The following PRKG1 variants were observed in gnomAD, a reference collection of about 807,000 sequenced individuals.
PRKG1 encodes the protein cGMP-dependent protein kinase 1.
PRKG1 carries 35 observed loss-of-function variants against 88.1 expected under a neutral mutation model. The ratio of observed to expected loss-of-function variants is 0.40; its 90% CI spans 0.30 to 0.53. The LOEUF (loss-of-function observed/expected upper bound fraction) is 0.53, where lower values mean the gene tolerates loss of function less well. PRKG1 is among the 20% of genes least tolerant of loss of function. The pLI is 0.59. For synonymous variants in PRKG1, 303 were observed against 292.5 expected, an observed-to-expected ratio of 1.04 and a Z score of -0.37; for missense variants, 540 against 839.8, an observed-to-expected ratio of 0.64 and a Z score of 4.41.
At chr10:52,121,574 A>G (rs2132612206) in intron 7 of PRKG1, among the ~76,000 whole-genome samples, 1 of 152,322 alleles carries the variant, frequency 6.6e-6, no homozygotes, top group Middle Eastern at 3.4e-3. Flanking sequence ...CTTCTGCCAG[A>G]TATTTTAGTT....
chr10:51,131,162 C>T (rs1036059603), intron 1 of PRKG1, among the ~76,000 whole-genome samples: 2 of 152,144 alleles, frequency 1.3e-5, no homozygotes, highest in Non-Finnish European at 2.9e-5. Context: ...TGATTTCCTT[C>T]ATTCATAATT....
At chr10:51,153,433 T>G (rs928397799) in intron 2 of PRKG1, 103 bp downstream of exon 2, 2 of 1,155,440 alleles carry the variant, frequency 1.7e-6, no homozygotes, top group Non-Finnish European at 2.3e-6. Flanking sequence ...CCATTTTTCC[T>G]TCTTTTATTG....
chr10:52,163,274 T>TTA (rs1198836110), intron 9 of PRKG1, among the ~76,000 whole-genome samples: 6 of 149,260 alleles, frequency 4.0e-5, no homozygotes, highest in Non-Finnish European at 8.9e-5. Context: ...TCATTGGTCA[T>TTA]TATATATATA....
intron 3 of PRKG1, among the ~76,000 whole-genome samples, chr10:51,496,082 GCAAA>G (rs1422920255): frequency 6.6e-6 from 1 of 152,102 alleles, no homozygotes; most frequent in Non-Finnish European, 1.5e-5. Flanking sequence ...ACTCTTTGTA[GCAAA>G]CAAAGAGTAC....
intron 2 of PRKG1, among the ~76,000 whole-genome samples, chr10:51,208,405 A>G (rs529091303): frequency 1.3e-5 from 2 of 152,314 alleles, no homozygotes; most frequent in African/African-American, 4.8e-5. Flanking sequence ...ATACTGCATA[A>G]TATTCTAATT....
intron 2 of PRKG1, among the ~76,000 whole-genome samples, chr10:51,167,956 C>T (rs1194285267): frequency 6.6e-6 from 1 of 152,044 alleles, no homozygotes; most frequent in East Asian, 1.9e-4. Context: ...AAGTTGCTCT[C>T]TTCTAATTAA....
intron 4 of PRKG1, among the ~76,000 whole-genome samples, chr10:51,885,493 G>A (rs1398627842): frequency 6.6e-6 from 1 of 152,182 alleles, no homozygotes; most frequent in African/African-American, 2.4e-5. Context: ...CTGACAGAAT[G>A]TACTTCCCAT....
intron 8 of PRKG1, among the ~76,000 whole-genome samples, chr10:52,159,255 A>G (rs945731495): frequency 4.0e-5 from 6 of 151,540 alleles, no homozygotes; most frequent in Non-Finnish European, 8.9e-5. Context: ...TTGTAGGTAC[A>G]TATTATTTTC....
intron 2 of PRKG1, among the ~76,000 whole-genome samples, chr10:51,172,424 T>C (rs1837051922): frequency 6.6e-6 from 1 of 152,098 alleles, no homozygotes; most frequent in Non-Finnish European, 1.5e-5. Flanking sequence ...TAAAGTATTT[T>C]TTAGTAAGGC....
At chr10:52,226,547 G>A (rs1018634935) in intron 9 of PRKG1, among the ~76,000 whole-genome samples, 6 of 151,598 alleles carry the variant, frequency 4.0e-5, no homozygotes, top group East Asian at 3.9e-4. Context: ...AATTAAAATC[G>A]TATTTCCATG....
intron 10 of PRKG1, among the ~76,000 whole-genome samples, chr10:52,264,391 C>G (rs1467328710): frequency 6.6e-6 from 1 of 151,214 alleles, no homozygotes; most frequent in Non-Finnish European, 1.5e-5. Flanking sequence ...CTCCTTCCCC[C>G]TCCCCTCCAG....
intron 9 of PRKG1, among the ~76,000 whole-genome samples, chr10:52,218,054 A>C (rs1030952067): frequency 6.6e-6 from 1 of 151,946 alleles, no homozygotes; most frequent in African/African-American, 2.4e-5. Flanking sequence ...TCTACTAAAA[A>C]TACAAAAATT....
intron 3 of PRKG1, among the ~76,000 whole-genome samples, chr10:51,689,247 T>TCTAC (rs1841076464): frequency 6.7e-6 from 1 of 149,314 alleles, no homozygotes; most frequent in Non-Finnish European, 1.5e-5. Context: ...CTACTATCTA[T>TCTAC]CTATCTATCT....
chr10:51,253,794 C>T (rs992423542), intron 2 of PRKG1, among the ~76,000 whole-genome samples: 8 of 151,952 alleles, frequency 5.3e-5, no homozygotes, highest in Admixed American at 2.6e-4. Flanking sequence ...TCCCTTTAAT[C>T]TTTGTAAATG....
intron 2 of PRKG1, among the ~76,000 whole-genome samples, chr10:51,394,845 A>G (rs2132655831): frequency 6.6e-6 from 1 of 152,162 alleles, no homozygotes; most frequent in Non-Finnish European, 1.5e-5. Flanking sequence ...TTCTTCCAGG[A>G]CCCCTCTCTT....
intron 1 of PRKG1, among the ~76,000 whole-genome samples, chr10:51,060,557 TCAGA>T (rs1268644195): frequency 2.6e-5 from 4 of 152,178 alleles, no homozygotes; most frequent in Non-Finnish European, 5.9e-5. Flanking sequence ...TTATTAATAC[TCAGA>T]CAGTGAAATG....
chr10:52,260,957 G>A (rs1841419260), intron 10 of PRKG1, among the ~76,000 whole-genome samples: 1 of 151,536 alleles, frequency 6.6e-6, no homozygotes, highest in Admixed American at 6.6e-5. Context: ...CTAGAAAATT[G>A]TCCAACCCTT....
At chr10:51,400,618 A>G (rs1361931060) in intron 2 of PRKG1, among the ~76,000 whole-genome samples, 2 of 152,252 alleles carry the variant, frequency 1.3e-5, no homozygotes, top group African/African-American at 4.8e-5. Flanking sequence ...AACAAATTGT[A>G]ACTATAGTGA....
In PRKG1 at chr10:51,103,052, A is replaced by G. The variant is rs78042410; in HGVS notation, c.311+28151A>G. 3.2e-3 allele frequency among the ~76,000 whole-genome samples: 490 copies of G among 152,292 alleles called. 4 individuals are homozygous for G. The highest frequency in any genetic ancestry group is 0.011 in the African/African-American group (463 of 41,590). On this transcript the variant is annotated intron_variant, in intron 1 of 17. Transcript: ENST00000373980. The stretch of plus-strand genomic sequence containing the variant: ...TCTTGGAAATGAAATGAAAAATATT[A>G]TAGCAGAGTGAAAAACTCAATTAAG...
Sources: allele counts gnomAD v4.1 joint callset (sites outside exome capture counted in the v4.1 genomes callset), GRCh38; gene constraint gnomAD v4.1.1; transcripts MANE v1.5; gene names NCBI Gene and HGNC (gene_info 2026-07-23, HGNC 2026-07-21).